Variants in CDH12 observed in about 807,000 individuals in gnomAD.
CDH12 encodes cadherin 12, also known as cadherin-12.
In CDH12, 41 loss-of-function variants were observed where a neutral mutation model predicts 74.1. The observed-to-expected ratio is 0.55, with a 90% CI of 0.43 to 0.72. CDH12 has a LOEUF of 0.72. Among genes scored for constraint, CDH12 ranks in the 30% least tolerant of loss-of-function variants. CDH12 has a pLI of 0.00. For synonymous variants in CDH12, 399 were observed against 355.0 expected (o/e 1.12, Z -1.39); for missense variants, 945 against 977.2 (o/e 0.97, Z 0.44).
intron 2 of CDH12, among the ~76,000 whole-genome samples, chr5:22,412,447 C>A (rs1341732218): frequency 6.6e-6 from 1 of 151,896 alleles, no homozygotes; most frequent in African/African-American, 2.4e-5. Flanking sequence ...AGGGCTATAG[C>A]ACACAAAAAT....
intron 1 of CDH12, among the ~76,000 whole-genome samples, chr5:22,566,733 C>T (rs1296636897): frequency 1.3e-5 from 2 of 152,018 alleles, no homozygotes; most frequent in African/African-American, 4.8e-5. Flanking sequence ...ACATGTCACT[C>T]ATAATGTTAA....
chr5:22,798,115 C>T (rs746778947), intron 1 of CDH12, among the ~76,000 whole-genome samples: 1 of 152,072 alleles, frequency 6.6e-6, no homozygotes, highest in African/African-American at 2.4e-5. Flanking sequence ...ATTCTTATCC[C>T]CTGCCTCAAA....
chr5:22,199,891 C>A (rs10941940), intron 4 of CDH12, among the ~76,000 whole-genome samples: 49,864 of 148,778 alleles, frequency 0.34, 7,438 homozygotes, highest in East Asian at 0.6. Context: ...CTTTTCCTGA[C>A]AAGCTATTTA....
chr5:22,197,974 C>G (rs1750716545), intron 4 of CDH12, among the ~76,000 whole-genome samples: 1 of 151,800 alleles, frequency 6.6e-6, no homozygotes, highest in Admixed American at 6.6e-5. Flanking sequence ...ATTGGTGGGA[C>G]AACATTCATT....
chr5:22,556,972 T>G (rs1738828085), intron 1 of CDH12, among the ~76,000 whole-genome samples: 1 of 152,044 alleles, frequency 6.6e-6, no homozygotes, highest in Non-Finnish European at 1.5e-5. Flanking sequence ...ACAGATGGCC[T>G]GATCACACTG....
intron 1 of CDH12, among the ~76,000 whole-genome samples, chr5:22,816,873 T>C (rs900653303): frequency 1.4e-4 from 22 of 152,202 alleles, no homozygotes; most frequent in Non-Finnish European, 1.0e-4. Context: ...CATATCTTTA[T>C]GTATTTGCCA....
intron 2 of CDH12, among the ~76,000 whole-genome samples, chr5:22,499,065 G>A (rs966309715): frequency 2.7e-5 from 4 of 150,250 alleles, no homozygotes; most frequent in Admixed American, 6.6e-5. Flanking sequence ...TACCATACCC[G>A]GCTAATTTTT....
chr5:22,268,216 C>G (rs921346319), intron 3 of CDH12, among the ~76,000 whole-genome samples: 1 of 152,068 alleles, frequency 6.6e-6, no homozygotes, highest in Non-Finnish European at 1.5e-5. Flanking sequence ...TCTCTCCCCT[C>G]TCATTCTTGC....
intron 1 of CDH12, among the ~76,000 whole-genome samples, chr5:22,569,839 T>C (rs1158797408): frequency 6.6e-6 from 1 of 152,138 alleles, no homozygotes; most frequent in African/African-American, 2.4e-5. Context: ...TTCTAAGTCA[T>C]CGAGAAGGGT....
At chr5:21,915,190 T>C (rs1754031566) in intron 6 of CDH12, among the ~76,000 whole-genome samples, 1 of 152,170 alleles carries the variant, frequency 6.6e-6, no homozygotes, top group Non-Finnish European at 1.5e-5. Flanking sequence ...CCGATCTTAT[T>C]ATTTTATAGC....
intron 4 of CDH12, among the ~76,000 whole-genome samples, chr5:22,119,921 C>A (rs1336279836): frequency 6.6e-6 from 1 of 152,098 alleles, no homozygotes; most frequent in Non-Finnish European, 1.5e-5. Context: ...ATAAAAACTT[C>A]ATTAAAGAGG....
At chr5:22,586,356 G>C (rs568533441) in intron 1 of CDH12, among the ~76,000 whole-genome samples, 1 of 152,044 alleles carries the variant, frequency 6.6e-6, no homozygotes, top group Non-Finnish European at 1.5e-5. Flanking sequence ...GGGGAGTGAG[G>C]AGGGATAGCA....
chr5:22,290,551 G>C (rs988595952), intron 3 of CDH12, among the ~76,000 whole-genome samples: 1 of 152,240 alleles, frequency 6.6e-6, no homozygotes, highest in East Asian at 1.9e-4. Flanking sequence ...TCAAACAGGA[G>C]AGAGAATCTG....
chr5:21,977,352 A>G (rs922799332), intron 5 of CDH12, among the ~76,000 whole-genome samples: 2 of 152,092 alleles, frequency 1.3e-5, no homozygotes, highest in Admixed American at 6.6e-5. Context: ...ATGAATTTCA[A>G]ATTATAAATT....
chr5:22,297,843 G>A (rs1737698311), intron 3 of CDH12, among the ~76,000 whole-genome samples: 2 of 151,992 alleles, frequency 1.3e-5, no homozygotes, highest in African/African-American at 4.8e-5. Flanking sequence ...AATGGAAGGT[G>A]TTGATGTATA....
chr5:22,055,952 T>C (rs946072351), intron 5 of CDH12, among the ~76,000 whole-genome samples: 4 of 152,138 alleles, frequency 2.6e-5, no homozygotes, highest in Non-Finnish European at 5.9e-5. Context: ...TCATAAATAA[T>C]ACTTTTCAAT....
chr5:21,760,515 A>G, intron 13 of CDH12, 43 bp downstream of exon 13: 5 of 930,472 alleles, frequency 5.4e-6, no homozygotes, highest in East Asian at 2.4e-5. Flanking sequence ...CCTTTTTACA[A>G]AGATACATGA....
intron 1 of CDH12, among the ~76,000 whole-genome samples, chr5:22,515,163 T>C (rs1361790171): frequency 6.6e-6 from 1 of 152,126 alleles, no homozygotes; most frequent in African/African-American, 2.4e-5. Flanking sequence ...GTGATGCAAT[T>C]GTAAAACTTG....
intron 3 of CDH12, among the ~76,000 whole-genome samples, chr5:22,358,050 A>G (rs1333195775): frequency 6.6e-6 from 1 of 152,158 alleles, no homozygotes; most frequent in African/African-American, 2.4e-5. Flanking sequence ...AAAGTCCTAA[A>G]CAACATTAAA....
Sources: allele counts gnomAD v4.1 joint callset (sites outside exome capture counted in the v4.1 genomes callset), GRCh38; gene constraint gnomAD v4.1.1; transcripts MANE v1.5; gene names NCBI Gene and HGNC (gene_info 2026-07-23, HGNC 2026-07-21).